Variants in GRM8 observed in about 807,000 individuals in gnomAD.
GRM8 encodes metabotropic glutamate receptor 8.
In GRM8, 47 loss-of-function variants were observed where a neutral mutation model predicts 87.2. The ratio of observed to expected loss-of-function variants is 0.54; its 90% confidence interval spans 0.43 to 0.69. The LOEUF (loss-of-function observed/expected upper bound fraction) is 0.69. Ranked by LOEUF, GRM8 falls within the 30% of genes least tolerant of loss-of-function variation. The pLI, the probability that GRM8 is intolerant of heterozygous loss-of-function variation, is 0.00. For synonymous variants in GRM8, 396 were observed against 404.5 expected, an observed-to-expected ratio of 0.98 and a Z score of 0.25; for missense variants, 1,019 against 1,139.2, an observed-to-expected ratio of 0.89 and a Z score of 1.52.
intron 6 of GRM8, among the ~76,000 whole-genome samples, chr7:126,875,314 G>A (rs1761904698): frequency 6.6e-6 from 1 of 151,510 alleles, no homozygotes; most frequent in African/African-American, 2.4e-5. Context: ...CTGTTAAAGG[G>A]CCAGAATACT....
At chr7:126,469,959 G>T (rs1804968990) in intron 9 of GRM8, among the ~76,000 whole-genome samples, 1 of 152,130 alleles carries the variant, frequency 6.6e-6, no homozygotes, top group African/African-American at 2.4e-5. Flanking sequence ...GAGCTTCCTA[G>T]AGACTTTTTG....
At chr7:126,743,384 G>A (rs1815237523) in intron 7 of GRM8, among the ~76,000 whole-genome samples, 1 of 152,070 alleles carries the variant, frequency 6.6e-6, no homozygotes, top group Non-Finnish European at 1.5e-5. Flanking sequence ...ATTTTCAGTG[G>A]ATGTGCTATT....
intron 7 of GRM8, among the ~76,000 whole-genome samples, chr7:126,703,530 A>G (rs1810167081): frequency 6.6e-6 from 1 of 152,178 alleles, no homozygotes; most frequent in Non-Finnish European, 1.5e-5. Flanking sequence ...TAAGAGTCAG[A>G]AACAAAACCT....
At chr7:126,731,370 G>T (rs970666433) in intron 7 of GRM8, among the ~76,000 whole-genome samples, 2 of 152,046 alleles carry the variant, frequency 1.3e-5, no homozygotes, top group African/African-American at 4.8e-5. Flanking sequence ...CCAGAAATTT[G>T]AAGAATCACC....
intron 2 of GRM8, among the ~76,000 whole-genome samples, chr7:127,168,854 G>T (rs888826282): frequency 5.3e-5 from 8 of 151,960 alleles, no homozygotes; most frequent in Admixed American, 2.6e-4. Context: ...GGGGCCTGTC[G>T]GGTGGGGGCT....
intron 8 of GRM8, among the ~76,000 whole-genome samples, chr7:126,552,558 C>A (rs931762051): frequency 6.6e-6 from 1 of 152,076 alleles, no homozygotes; most frequent in Non-Finnish European, 1.5e-5. Flanking sequence ...TATATACTTT[C>A]TCTTCATTGT....
chr7:126,543,838 T>C (rs572516011), intron 8 of GRM8, among the ~76,000 whole-genome samples: 1 of 152,270 alleles, frequency 6.6e-6, no homozygotes, highest in South Asian at 2.1e-4. Context: ...GAAAACGATG[T>C]AAAAACATGA....
intron 3 of GRM8, among the ~76,000 whole-genome samples, chr7:127,016,906 G>C (rs1195042188): frequency 1.3e-5 from 2 of 151,926 alleles, no homozygotes; most frequent in African/African-American, 2.4e-5. Flanking sequence ...TCTTAGTATA[G>C]AGACACTGCC....
At chr7:126,458,760 C>A (rs1803553856) in intron 9 of GRM8, among the ~76,000 whole-genome samples, 2 of 150,934 alleles carry the variant, frequency 1.3e-5, no homozygotes, top group Middle Eastern at 3.4e-3. Flanking sequence ...AAAAGGTAAT[C>A]AAATTAAAAT....
intron 9 of GRM8, among the ~76,000 whole-genome samples, chr7:126,530,022 T>C (rs1378421208): frequency 6.6e-6 from 1 of 152,192 alleles, no homozygotes; most frequent in East Asian, 1.9e-4. Context: ...AAATGATTCA[T>C]TCAAAAACAG....
chr7:127,056,613 G>A (rs1820015288), intron 3 of GRM8, among the ~76,000 whole-genome samples: 1 of 152,128 alleles, frequency 6.6e-6, no homozygotes, highest in South Asian at 2.1e-4. Context: ...ATACACACCG[G>A]CAAAATCTAA....
intron 10 of GRM8, among the ~76,000 whole-genome samples, chr7:126,443,037 G>A (rs1801642036): frequency 6.6e-6 from 1 of 152,002 alleles, no homozygotes; most frequent in African/African-American, 2.4e-5. Context: ...TGATGAATAT[G>A]CTCATATGAA....
At chr7:126,935,737 T>G (rs1806245374) in intron 3 of GRM8, among the ~76,000 whole-genome samples, 1 of 152,224 alleles carries the variant, frequency 6.6e-6, no homozygotes, top group Non-Finnish European at 1.5e-5. Context: ...TGCTTATAGA[T>G]GTCCACATGA....
At chr7:126,893,171 A>T (rs1423842863) in intron 6 of GRM8, among the ~76,000 whole-genome samples, 1 of 151,998 alleles carries the variant, frequency 6.6e-6, no homozygotes, top group East Asian at 1.9e-4. Context: ...TTTTTTTAGA[A>T]AAACAAAACA....
chr7:126,601,058 T>C (rs1797700639), intron 8 of GRM8, among the ~76,000 whole-genome samples: 1 of 151,138 alleles, frequency 6.6e-6, no homozygotes, highest in Non-Finnish European at 1.5e-5. Context: ...ATTAGGTATA[T>C]CTCCCAATGC....
chr7:126,767,345 G>A (rs942165915), intron 7 of GRM8, among the ~76,000 whole-genome samples: 7 of 151,954 alleles, frequency 4.6e-5, no homozygotes, highest in African/African-American at 1.2e-4. Context: ...TTTGATTGTG[G>A]GTACAAATGC....
At chr7:126,861,916 G>A (rs897381312) in intron 6 of GRM8, among the ~76,000 whole-genome samples, 1 of 151,776 alleles carries the variant, frequency 6.6e-6, no homozygotes, top group Non-Finnish European at 1.5e-5. Context: ...CAGCTTTTAA[G>A]TGGTTGTGGT....
intron 3 of GRM8, among the ~76,000 whole-genome samples, chr7:127,048,428 G>T (rs1333145763): frequency 2.0e-5 from 3 of 152,338 alleles, no homozygotes; most frequent in African/African-American, 7.2e-5. Flanking sequence ...GCCACTGAAA[G>T]ATTTTAAACA....
intron 3 of GRM8, among the ~76,000 whole-genome samples, chr7:127,085,656 T>C (rs183375450): frequency 6.1e-4 from 93 of 152,324 alleles, no homozygotes; most frequent in Admixed American, 2.2e-3. Context: ...TTGATGGGGT[T>C]GTTTTTTCTT....
Sources: gnomAD v4.1 joint callset for allele counts (sites outside exome capture counted in the v4.1 genomes callset) on GRCh38, gnomAD v4.1.1 for gene constraint, MANE v1.5 for transcripts, NCBI Gene and HGNC (gene_info 2026-07-23, HGNC 2026-07-21) for gene names.